Variants in IL1RAPL1 observed in about 807,000 individuals in gnomAD.
IL1RAPL1 encodes interleukin 1 receptor accessory protein like 1.
Under a neutral mutation model 48.4 loss-of-function variants are expected in IL1RAPL1, and 3 were observed. The ratio of observed to expected loss-of-function variants is 0.06; its 90% confidence interval spans 0.03 to 0.16. The LOEUF is 0.16. IL1RAPL1 is among the 10% of genes least tolerant of loss of function. The probability of loss-of-function intolerance (pLI) is 1.00; values close to 1 mark genes in which losing one functional copy is unlikely to be tolerated. For synonymous variants in IL1RAPL1, 185 were observed against 187.7 expected (o/e 0.99, Z 0.12); for missense variants, 349 against 530.6 (o/e 0.66, Z 3.36).
chrX:29,847,657 C>T (rs1431256959), intron 6 of IL1RAPL1, among the ~76,000 whole-genome samples: 2 of 111,481 alleles, frequency 1.8e-5, no homozygotes, highest in African/African-American at 6.5e-5. Context: ...AACAGATTAG[C>T]CATAGCAGTA....
At chrX:29,006,049 C>A (rs1925969350) in intron 2 of IL1RAPL1, among the ~76,000 whole-genome samples, 1 of 111,545 alleles carries the variant, frequency 9.0e-6, no homozygotes, top group Admixed American at 9.5e-5. Flanking sequence ...TCTACATCCA[C>A]CTTCCAGAAC....
chrX:29,572,648 C>G (rs1178742232), intron 5 of IL1RAPL1, among the ~76,000 whole-genome samples: 1 of 112,496 alleles, frequency 8.9e-6, no homozygotes, highest in South Asian at 3.6e-4. Context: ...GTTCTATGGT[C>G]AAACAAGTTT....
intron 6 of IL1RAPL1, among the ~76,000 whole-genome samples, chrX:29,790,231 TATACTTAGTGCTGCTTAGAAAATATTTC>T (rs1303188286): frequency 8.9e-6 from 1 of 112,208 alleles, no homozygotes; most frequent in Non-Finnish European, 1.9e-5. Flanking sequence ...ATTACAGCAA[TATACTTAGTGCTGCTTAGAAAATATTTC>T]ATCCCTTTCC....
intron 6 of IL1RAPL1, among the ~76,000 whole-genome samples, chrX:29,905,980 G>A (rs1035769401): frequency 9.0e-6 from 1 of 110,888 alleles, no homozygotes; most frequent in Admixed American, 9.7e-5. Flanking sequence ...TTATAGGGGG[G>A]ATAGGAGAGG....
intron 2 of IL1RAPL1, among the ~76,000 whole-genome samples, chrX:29,222,290 C>A (rs188735600): frequency 2.7e-5 from 3 of 111,787 alleles, no homozygotes. Flanking sequence ...GCTGAAACCT[C>A]ATTTCTGCCT....
chrX:28,686,272 T>C (rs1935109390), intron 1 of IL1RAPL1, among the ~76,000 whole-genome samples: 1 of 112,100 alleles, frequency 8.9e-6, no homozygotes, highest in Non-Finnish European at 1.9e-5. Flanking sequence ...ATTTAAAACA[T>C]AAACAAAATT....
intron 2 of IL1RAPL1, among the ~76,000 whole-genome samples, chrX:29,212,245 A>G (rs191617683): frequency 2.5e-3 from 274 of 111,210 alleles, no homozygotes; most frequent in African/African-American, 8.7e-3. Context: ...AATAACATGG[A>G]GGTTCAGGGG....
intron 2 of IL1RAPL1, among the ~76,000 whole-genome samples, chrX:29,125,225 TAGTC>T (rs1206276472): frequency 1.8e-5 from 2 of 112,281 alleles, no homozygotes; most frequent in African/African-American, 6.5e-5. Flanking sequence ...TAGGTCAAAT[TAGTC>T]AGGCTGCTGT....
intron 2 of IL1RAPL1, among the ~76,000 whole-genome samples, chrX:29,187,959 A>G (rs1472838022): frequency 8.9e-6 from 1 of 112,073 alleles, no homozygotes; most frequent in Non-Finnish European, 1.9e-5. Context: ...ACTGCCCTCT[A>G]GAGCTCTACT....
intron 6 of IL1RAPL1, among the ~76,000 whole-genome samples, chrX:29,811,933 G>A (rs1930389681): frequency 9.0e-6 from 1 of 111,298 alleles, no homozygotes; most frequent in Non-Finnish European, 1.9e-5. Flanking sequence ...TTTAACACAG[G>A]AATTTCATTT....
intron 2 of IL1RAPL1, among the ~76,000 whole-genome samples, chrX:29,027,922 TTGTGTGTG>T (rs751730303): frequency 4.8e-5 from 5 of 104,717 alleles, no homozygotes; most frequent in African/African-American, 1.0e-4. Context: ...AGATTTCTTT[TTGTGTGTG>T]TGTGTGTGTG....
At chrX:28,626,854 G>A (rs1363006500) in intron 1 of IL1RAPL1, among the ~76,000 whole-genome samples, 1 of 112,087 alleles carries the variant, frequency 8.9e-6, no homozygotes, top group Non-Finnish European at 1.9e-5. Context: ...ATCCTATCAT[G>A]AATAGCTTGA....
At chrX:29,177,620 G>A (rs1238590541) in intron 2 of IL1RAPL1, among the ~76,000 whole-genome samples, 1 of 112,045 alleles carries the variant, frequency 8.9e-6, no homozygotes, top group Non-Finnish European at 1.9e-5. Flanking sequence ...TATACTTTAA[G>A]TTCTAGGGTA....
At chrX:29,017,466 C>G (rs1413164956) in intron 2 of IL1RAPL1, among the ~76,000 whole-genome samples, 1 of 111,813 alleles carries the variant, frequency 8.9e-6, no homozygotes, top group African/African-American at 3.2e-5. Flanking sequence ...ATTTCTGTAG[C>G]AACAAGAGAC....
At chrX:28,857,387 A>G (rs1921831637) in intron 2 of IL1RAPL1, among the ~76,000 whole-genome samples, 1 of 111,946 alleles carries the variant, frequency 8.9e-6, no homozygotes, top group South Asian at 3.7e-4. Flanking sequence ...CTCTATTGGA[A>G]GAATATGCCG....
chrX:28,724,518 C>G (rs181087296), intron 1 of IL1RAPL1, among the ~76,000 whole-genome samples: 1 of 111,099 alleles, frequency 9.0e-6, no homozygotes, highest in Admixed American at 9.6e-5. Context: ...CTCCTGAATA[C>G]AGCACACTGA....
intron 6 of IL1RAPL1, among the ~76,000 whole-genome samples, chrX:29,835,896 TTTAG>T (rs1485936643): frequency 5.7e-5 from 6 of 105,092 alleles, no homozygotes; most frequent in Non-Finnish European, 7.8e-5. Flanking sequence ...TTTTTTTTTT[TTTAG>T]TTAGTTAGTC....
intron 2 of IL1RAPL1, among the ~76,000 whole-genome samples, chrX:28,823,949 A>G (rs1286600175): frequency 8.9e-6 from 1 of 111,748 alleles, no homozygotes; most frequent in Non-Finnish European, 1.9e-5. Context: ...TTTGGGGGCC[A>G]CTATTCTGCC....
chrX:29,187,107 G>C (rs1182311838), intron 2 of IL1RAPL1, among the ~76,000 whole-genome samples: 1 of 111,587 alleles, frequency 9.0e-6, no homozygotes, highest in Non-Finnish European at 1.9e-5. Context: ...ATGTATCCCT[G>C]AACTTAAAAG....
Sources: gnomAD v4.1 joint callset for allele counts (sites outside exome capture counted in the v4.1 genomes callset) on GRCh38, gnomAD v4.1.1 for gene constraint, MANE v1.5 for transcripts, NCBI Gene and HGNC (gene_info 2026-07-23, HGNC 2026-07-21) for gene names.